The following ADCY8 variants were observed in gnomAD, a reference collection of about 807,000 sequenced individuals.
ADCY8 encodes adenylate cyclase type 8.
In ADCY8, 51 loss-of-function variants were observed where a neutral mutation model predicts 119.7. The observed-to-expected ratio is 0.43, with a 90% CI of 0.34 to 0.54. The LOEUF (loss-of-function observed/expected upper bound fraction) is 0.54. Among genes scored for constraint, ADCY8 ranks in the 20% least tolerant of loss-of-function variants. The probability of loss-of-function intolerance (pLI) is 0.03; values close to 1 mark genes in which losing one functional copy is unlikely to be tolerated. For missense variants in ADCY8, 1,383 were observed against 1,598.8 expected, an observed-to-expected ratio of 0.87 and a Z score of 2.30; for synonymous variants, 665 against 651.0, an observed-to-expected ratio of 1.02 and a Z score of -0.33.
chr8:130,783,945 CT>C, intron 16 of ADCY8, 140 bp from the exon 17 acceptor site: 1 of 620,280 alleles, frequency 1.6e-6, no homozygotes, highest in South Asian at 2.0e-5. Context: ...GTGAGCCCCT[CT>C]ACACTCAAGT....
At chr8:130,853,701 C>T (rs1817616981) in intron 9 of ADCY8, among the ~76,000 whole-genome samples, 1 of 151,686 alleles carries the variant, frequency 6.6e-6, no homozygotes, top group Non-Finnish European at 1.5e-5. Flanking sequence ...TCACCTGAGT[C>T]CCTGACCCAG....
At chr8:131,011,784 C>T (rs1486218184) in intron 1 of ADCY8, among the ~76,000 whole-genome samples, 1 of 152,114 alleles carries the variant, frequency 6.6e-6, no homozygotes, top group African/African-American at 2.4e-5. Context: ...TCCTCTGGTT[C>T]CAACACTGAC....
At chr8:130,980,072 G>A (rs1393643793) in intron 2 of ADCY8, among the ~76,000 whole-genome samples, 3 of 152,120 alleles carry the variant, frequency 2.0e-5, no homozygotes, top group African/African-American at 7.2e-5. Flanking sequence ...TCACTCTCCT[G>A]GCTTCTTGTG....
At chr8:130,935,044 C>A (rs1401666563) in intron 5 of ADCY8, among the ~76,000 whole-genome samples, 1 of 152,148 alleles carries the variant, frequency 6.6e-6, no homozygotes, top group African/African-American at 2.4e-5. Context: ...ACTGTGACAA[C>A]TGGATATTTT....
chr8:130,884,193 T>C (rs1818891685), intron 8 of ADCY8, among the ~76,000 whole-genome samples: 1 of 152,176 alleles, frequency 6.6e-6, no homozygotes, highest in African/African-American at 2.4e-5. Flanking sequence ...CCTCATTTAT[T>C]ATGTTAAAAT....
At position 130,849,767 on chromosome 8, in the gene ADCY8, A is replaced by G. The variant is rs758087701; in HGVS notation, c.2247T>C (p.Ile749=). 2 of 1,613,534 alleles carry G rather than the reference A, an allele frequency of 1.2e-6. No homozygotes were observed. The highest frequency in any genetic ancestry group is 2.7e-5 in the African/African-American group (2 of 74,916). The change falls in exon 10 of 18, where the codon ATT becomes ATC. Residue 749 remains isoleucine (I), a synonymous_variant. Transcript: ENST00000286355. Reference sequence around the variant, plus strand: ...TGAGGACCAGAGCCGAGTGCAGCATAATCAGAATGGAGAACTGGATGGTCA... The same window carrying G: ...TGAGGACCAGAGCCGAGTGCAGCATGATCAGAATGGAGAACTGGATGGTCA... The part of the protein sequence containing the change: ...MPMTIQFSIL[I]MLHSALVLIT...
At chr8:131,003,960 C>T (rs896360840) in intron 1 of ADCY8, among the ~76,000 whole-genome samples, 1 of 152,114 alleles carries the variant, frequency 6.6e-6, no homozygotes, top group African/African-American at 2.4e-5. Context: ...TTATTTACTG[C>T]CTGGCTCTTT....
chr8:130,954,896 G>C (rs1339076354), intron 2 of ADCY8, among the ~76,000 whole-genome samples: 1 of 152,178 alleles, frequency 6.6e-6, no homozygotes, highest in African/African-American at 2.4e-5. Context: ...GGAGCTAACA[G>C]TATGCAACAA....
rs192356389 is a variant in ADCY8, at chr8:130,966,555, C to A, written c.1111-14557G>T. ...AGATGAATCAAAGGCAAATACCTAA[C>A]CCAGACCAGCATCAAGTATCTAACC... On this transcript the variant is annotated intron_variant, in intron 2 of 17. Transcript: ENST00000286355. Among the ~76,000 whole-genome samples the A allele has an allele frequency of 4.2e-3, 644 of 152,278 alleles. 4 individuals are homozygous for A. Among genetic ancestry groups the A allele is most frequent in the African/African-American group, 0.015 (614 of 41,560 alleles).
At chr8:130,792,837 C>T (rs1028790806) in intron 15 of ADCY8, among the ~76,000 whole-genome samples, 9 of 152,130 alleles carry the variant, frequency 5.9e-5, no homozygotes, top group African/African-American at 1.9e-4. Flanking sequence ...CGTAGCCATC[C>T]CCATCAGTCT....
intron 17 of ADCY8, 31 bp downstream of exon 17, chr8:130,783,660 C>G (rs755075163): frequency 3.5e-5 from 54 of 1,549,086 alleles, no homozygotes; most frequent in East Asian, 6.7e-5. Flanking sequence ...TCAGCTGGCT[C>G]TATCAGGCCC....
At chr8:130,870,973 T>A (rs1818333960) in intron 8 of ADCY8, among the ~76,000 whole-genome samples, 1 of 152,222 alleles carries the variant, frequency 6.6e-6, no homozygotes, top group African/African-American at 2.4e-5. Flanking sequence ...ATTCTATTAT[T>A]TTCCTGTTTG....
intron 15 of ADCY8, among the ~76,000 whole-genome samples, chr8:130,789,539 G>A (rs1815360547): frequency 7.5e-6 from 1 of 133,290 alleles, no homozygotes; most frequent in Non-Finnish European, 1.6e-5. Context: ...AACACTAGGT[G>A]ATATTTGGAT....
chr8:130,824,937 T>C (rs1816628617), intron 12 of ADCY8, among the ~76,000 whole-genome samples: 2 of 152,214 alleles, frequency 1.3e-5, no homozygotes, highest in South Asian at 4.1e-4. Flanking sequence ...TCTGCATCCA[T>C]TCTTGTCCCC....
At chr8:130,895,103 G>T (rs889617436) in intron 7 of ADCY8, among the ~76,000 whole-genome samples, 1 of 152,072 alleles carries the variant, frequency 6.6e-6, no homozygotes, top group Admixed American at 6.6e-5. Flanking sequence ...GAGGAAATAA[G>T]TCAGGGGAAA....
At chr8:130,969,387 A>G (rs764307109) in intron 2 of ADCY8, among the ~76,000 whole-genome samples, 1 of 152,170 alleles carries the variant, frequency 6.6e-6, no homozygotes, top group Non-Finnish European at 1.5e-5. Context: ...GAATGCACCA[A>G]TTCCTTAAAA....
chr8:130,793,617 A>G lies in ADCY8; in HGVS notation c.3060+6809T>C, dbSNP rs139837562. On this transcript the variant is annotated intron_variant, in intron 15 of 17. Coordinates refer to ENST00000286355, the MANE Select transcript of ADCY8 (RefSeq NM_001115.3). ...CACTAGATACTGGTTCAATAAGCCC[A>G]TAAACAGCAAATTCTCTGAGGCTGG... Among the ~76,000 whole-genome samples, 436 of 152,356 alleles carry G rather than the reference A, an allele frequency of 2.9e-3. 4 individuals carry two copies. The highest frequency in any genetic ancestry group is 9.9e-3 in the African/African-American group (412 of 41,582).
intron 15 of ADCY8, among the ~76,000 whole-genome samples, chr8:130,799,084 G>C (rs530158428): frequency 6.6e-6 from 1 of 152,078 alleles, no homozygotes; most frequent in Admixed American, 6.5e-5. Context: ...ATCTAAAAAC[G>C]TCAAACTCAG....
chr8:131,019,835 CTCTG>C (rs1175981334), intron 1 of ADCY8, among the ~76,000 whole-genome samples: 8 of 99,350 alleles, frequency 8.1e-5, no homozygotes, highest in Admixed American at 4.5e-4. Context: ...CTCTCTCTCT[CTCTG>C]TCTGTCTCTC....
Sources: allele counts gnomAD v4.1 joint callset (sites outside exome capture counted in the v4.1 genomes callset), GRCh38; gene constraint gnomAD v4.1.1; transcripts MANE v1.5; gene names NCBI Gene and HGNC (gene_info 2026-07-23, HGNC 2026-07-21).